The following TBC1D10A variants were observed in gnomAD, a reference collection of about 807,000 sequenced individuals.
TBC1D10A encodes EBP50-PDX interactor of 64 kDa.
A neutral mutation model predicts 52.9 loss-of-function variants in TBC1D10A; 24 were observed. The observed-to-expected ratio is 0.45, with a 90% CI of 0.33 to 0.64. The LOEUF (loss-of-function observed/expected upper bound fraction) is 0.64. Ranked by LOEUF, TBC1D10A falls within the 30% of genes least tolerant of loss-of-function variation. TBC1D10A has a pLI of 0.02. For missense variants in TBC1D10A, 602 were observed against 687.9 expected (o/e 0.88, Z 1.40); for synonymous variants, 278 against 282.9 (o/e 0.98, Z 0.17).
intron 3 of TBC1D10A, chr22:30,298,511 G>A (rs992549362): frequency 6.6e-6 from 1 of 152,306 alleles, no homozygotes; most frequent in Non-Finnish European, 1.5e-5. Flanking sequence ...GTCATCTCAA[G>A]GAACAGGTTT....
rs1269329789 is a variant in TBC1D10A at position 30,297,458 on chromosome 22, C to T, written c.418-1615G>A. On this transcript the variant is annotated intron_variant, in intron 3 of 8. Transcript: ENST00000215790. The surrounding 1 kb of genome is among the most constrained non-coding windows in gnomAD (Gnocchi z 4.3). Reference sequence around the variant, plus strand: ...AGGATGTGTTCATCTGGCACTTCAGCAGCCTAAGGCACTTGGCCACACATG... The same window carrying T: ...AGGATGTGTTCATCTGGCACTTCAGTAGCCTAAGGCACTTGGCCACACATG... The T allele has an allele frequency of 6.6e-6, 1 of 152,192 alleles. No homozygotes were observed. Among genetic ancestry groups the T allele is most frequent in the African/African-American group, 2.4e-5 (1 of 41,432 alleles). 9.4% of individuals were successfully genotyped at this position (152,192 alleles called of 1,614,324 possible).
intron 1 of TBC1D10A, among the ~76,000 whole-genome samples, chr22:30,312,978 T>C (rs898917977): frequency 5.3e-5 from 8 of 152,090 alleles, no homozygotes; most frequent in African/African-American, 1.9e-4. Context: ...CAGGAGCATG[T>C]AGAAGGGGCT....
intron 6 of TBC1D10A, 122 bp downstream of exon 6, chr22:30,294,674 C>T (rs1411284628): frequency 6.9e-6 from 9 of 1,300,222 alleles, no homozygotes; most frequent in Non-Finnish European, 9.8e-6. Context: ...GGGACTTCAG[C>T]CTCAAGGCAA....
At chr22:30,326,528 G>C (rs1662746523) in intron 1 of TBC1D10A, 145 bp downstream of exon 1, 1 of 772,594 alleles carries the variant, frequency 1.3e-6, no homozygotes, top group African/African-American at 1.9e-5. Context: ...GGCAGGGGTG[G>C]TGGGGGTGGG....
At chr22:30,299,355 G>A (rs2145766737) in intron 3 of TBC1D10A, 89 bp downstream of exon 3, 3 of 1,289,544 alleles carry the variant, frequency 2.3e-6, no homozygotes, top group Non-Finnish European at 3.3e-6. Flanking sequence ...CATCCTGTGA[G>A]GTTCAGGTGA....
intron 1 of TBC1D10A, among the ~76,000 whole-genome samples, chr22:30,312,487 C>A (rs541860652): frequency 1.3e-5 from 2 of 152,196 alleles, no homozygotes; most frequent in African/African-American, 4.8e-5. Context: ...TGTGCCACTG[C>A]ACCCTAGACT....
chr22:30,314,756 A>G (rs1353760189), intron 1 of TBC1D10A, among the ~76,000 whole-genome samples: 2 of 150,920 alleles, frequency 1.3e-5, no homozygotes, highest in Non-Finnish European at 2.9e-5. Context: ...GGCTGCAGTG[A>G]GCCATAATTG....
chr22:30,302,687 A>G (rs1289166545), intron 2 of TBC1D10A, among the ~76,000 whole-genome samples: 8 of 152,346 alleles, frequency 5.3e-5, no homozygotes, highest in East Asian at 3.9e-4. Context: ...GGTGGATTGA[A>G]GCACTTCCTC....
intron 1 of TBC1D10A, among the ~76,000 whole-genome samples, chr22:30,309,241 A>ATT (rs5844902): frequency 6.0e-4 from 87 of 145,788 alleles, no homozygotes; most frequent in South Asian, 2.8e-3. Flanking sequence ...GTAATCTGCC[A>ATT]TTTTTTTTTT....
In TBC1D10A at chr22:30,292,344, G is replaced by C; in HGVS notation, c.*31C>G. 2.0e-6 allele frequency: 3 copies of C among 1,509,208 alleles called. No homozygotes were observed. Among genetic ancestry groups the C allele is most frequent in the South Asian group, 2.6e-5 (2 of 75,774 alleles). The allele number at this position is 1,509,208 out of a possible 1,614,324, so 93.5% of individuals were successfully genotyped here. On this transcript the variant is annotated 3_prime_UTR_variant, in exon 9 of 9. Coordinates refer to ENST00000215790, the MANE Select transcript of TBC1D10A (RefSeq NM_031937.3). Reference sequence around the variant, plus strand: ...TTCATGAACCGTGTAGTTATATGGAGACCCCGCCCTGGAGGCCTTAGCTGC... The same window carrying C: ...TTCATGAACCGTGTAGTTATATGGACACCCCGCCCTGGAGGCCTTAGCTGC...
intron 1 of TBC1D10A, among the ~76,000 whole-genome samples, chr22:30,309,810 T>A (rs1045930271): frequency 6.6e-6 from 1 of 152,212 alleles, no homozygotes; most frequent in Non-Finnish European, 1.5e-5. Flanking sequence ...TGGGGTTCTC[T>A]CTTCCCTTGT....
At chr22:30,320,657 C>T (rs546321596) in intron 1 of TBC1D10A, among the ~76,000 whole-genome samples, 2 of 152,296 alleles carry the variant, frequency 1.3e-5, no homozygotes, top group South Asian at 4.1e-4. Flanking sequence ...CCGACAGGGG[C>T]TGGGCCTCAC....
intron 1 of TBC1D10A, among the ~76,000 whole-genome samples, chr22:30,323,480 T>A (rs1930700880): frequency 6.6e-6 from 1 of 152,146 alleles, no homozygotes; most frequent in South Asian, 2.1e-4. Flanking sequence ...ACACCTGATA[T>A]CCTGCAGGGA....
At chr22:30,316,612 C>T (rs1930542896) in intron 1 of TBC1D10A, among the ~76,000 whole-genome samples, 1 of 152,028 alleles carries the variant, frequency 6.6e-6, no homozygotes, top group Non-Finnish European at 1.5e-5. Flanking sequence ...ACCACTATGC[C>T]CAGCTAATTT....
chr22:30,326,643 C>A (rs1930782159), intron 1 of TBC1D10A, 30 bp downstream of exon 1: 2 of 1,555,428 alleles, frequency 1.3e-6, no homozygotes, highest in Non-Finnish European at 1.7e-6. Context: ...GTGGGTGGCG[C>A]GCTCAGTCCC....
At chr22:30,322,091 T>C (rs938143635) in intron 1 of TBC1D10A, among the ~76,000 whole-genome samples, 9 of 151,330 alleles carry the variant, frequency 5.9e-5, no homozygotes, top group African/African-American at 1.9e-4. Flanking sequence ...GCGATTCTCC[T>C]GTCTCAGCCT....
At chr22:30,305,262 G>A (rs1367981536) in intron 1 of TBC1D10A, among the ~76,000 whole-genome samples, 3 of 152,196 alleles carry the variant, frequency 2.0e-5, no homozygotes, top group Non-Finnish European at 4.4e-5. Flanking sequence ...TAGCACAACT[G>A]TGTTGCAGTG....
rs927435133 is a variant in TBC1D10A, at chr22:30,293,538, A to C, written c.1050+113T>G. 2.8e-6 allele frequency: 4 copies of C among 1,437,720 alleles called. No individual in the cohort carries two copies. In the African/African-American group the frequency reaches 5.7e-5, roughly 20 times the overall value. 89.1% of individuals were successfully genotyped at this position (1,437,720 alleles called of 1,614,324 possible). A position where few individuals can be genotyped will look rare whatever the true frequency, so the allele number is the denominator to read the frequency against. ...CCCACATGTTCTGTGTTGCCTAGCA[A>C]TGGTCCTGGCATAGGATCCACCCTC... On this transcript the variant is annotated intron_variant, in intron 8 of 8. Transcript: ENST00000215790.
At chr22:30,318,345 T>C (rs1930580202) in intron 1 of TBC1D10A, among the ~76,000 whole-genome samples, 1 of 152,176 alleles carries the variant, frequency 6.6e-6, no homozygotes, top group South Asian at 2.1e-4. Context: ...CCTTGCATCC[T>C]TCCTTATCAT....
Sources: gnomAD v4.1 joint callset for allele counts (sites outside exome capture counted in the v4.1 genomes callset) on GRCh38, gnomAD v4.1.1 for gene constraint, Gnocchi (gnomAD v3.1) non-coding constraint, MANE v1.5 for transcripts, NCBI Gene and HGNC (gene_info 2026-07-23, HGNC 2026-07-21) for gene names.